PTPRN2: variants seen among roughly 807,000 people sequenced by gnomAD.
PTPRN2 encodes the protein protein tyrosine phosphatase receptor type N2.
In PTPRN2, 74 loss-of-function variants were observed where a neutral mutation model predicts 118.8. The ratio of observed to expected loss-of-function variants is 0.62; its 90% CI spans 0.52 to 0.76. The LOEUF is 0.76. Among genes scored for constraint, PTPRN2 ranks in the 30% least tolerant of loss-of-function variants. The pLI is 0.00. For missense variants in PTPRN2, 1,481 were observed against 1,394.4 expected (o/e 1.06, Z -0.99); for synonymous variants, 641 against 608.0 (o/e 1.05, Z -0.80).
At chr7:158,163,340 T>A (rs1822543267) in intron 6 of PTPRN2, among the ~76,000 whole-genome samples, 2 of 150,738 alleles carry the variant, frequency 1.3e-5, no homozygotes, top group South Asian at 4.2e-4. Flanking sequence ...TCTCTCTATT[T>A]CATAGGTGAC....
chr7:157,645,503 T>G (rs1805006696), intron 14 of PTPRN2, among the ~76,000 whole-genome samples: 1 of 152,232 alleles, frequency 6.6e-6, no homozygotes, highest in Non-Finnish European at 1.5e-5. Context: ...GGATCTGGCT[T>G]CTAAAAACTC....
chr7:157,840,261 CTG>C (rs1808297449), intron 12 of PTPRN2, among the ~76,000 whole-genome samples: 1 of 133,222 alleles, frequency 7.5e-6, no homozygotes, highest in African/African-American at 2.9e-5. Flanking sequence ...CCGCGTGTGA[CTG>C]TGTGGCCGCG....
At chr7:157,643,322 C>T (rs1804818770) in intron 14 of PTPRN2, among the ~76,000 whole-genome samples, 1 of 152,182 alleles carries the variant, frequency 6.6e-6, no homozygotes, top group Admixed American at 6.5e-5. Context: ...AAAGCACTAG[C>T]ATGGCTCTAG....
At chr7:157,662,332 T>G (rs912976809) in intron 13 of PTPRN2, among the ~76,000 whole-genome samples, 5 of 152,212 alleles carry the variant, frequency 3.3e-5, no homozygotes, top group African/African-American at 9.6e-5. Flanking sequence ...TCAGGTTTGC[T>G]ATGGTCCCTT....
intron 11 of PTPRN2, among the ~76,000 whole-genome samples, chr7:158,071,165 G>C (rs1192038148): frequency 1.3e-4 from 4 of 30,766 alleles, no homozygotes; most frequent in Admixed American, 3.7e-4. Flanking sequence ...GCTCGTGGTG[G>C]AGGTGCTCTT....
chr7:158,529,953 CCACA>C lies in PTPRN2; in HGVS notation c.113-40172_113-40169del, dbSNP rs1208174714. On this transcript the variant is annotated intron_variant, in intron 1 of 22. Transcript: ENST00000389418. This position sits in a 1 kb window ranked among gnomAD's most constrained non-coding sequence, Gnocchi z 4.7. Reference sequence around the variant, plus strand: ...CACATGCACACATGTATCTCACATACCACACACAAGCATGCACGCCACACATGCC... The same window carrying C: ...CACATGCACACATGTATCTCACATACCACAAGCATGCACGCCACACATGCC... 6.6e-6 allele frequency among the ~76,000 whole-genome samples: 1 copy of C among 152,228 alleles called. No individual in the cohort carries two copies. The highest frequency in any genetic ancestry group is 2.1e-4 in the South Asian group (1 of 4,818).
At chr7:158,393,030 G>T (rs1168838749) in intron 2 of PTPRN2, among the ~76,000 whole-genome samples, 1 of 152,134 alleles carries the variant, frequency 6.6e-6, no homozygotes, top group Non-Finnish European at 1.5e-5. Flanking sequence ...AGGCCCAGCT[G>T]CCCAGGCCCC....
chr7:158,317,636 C>G (rs1304545154), intron 2 of PTPRN2, among the ~76,000 whole-genome samples: 8 of 152,208 alleles, frequency 5.3e-5, no homozygotes, highest in African/African-American at 7.2e-5. Context: ...TTCAAACATT[C>G]AAATTACCTT....
At position 157,861,413 on chromosome 7, in the gene PTPRN2, C is replaced by T. The variant is rs913743660; in HGVS notation, c.1788+37260G>A. Among the ~76,000 whole-genome samples the T allele has an allele frequency of 3.3e-5, 5 of 152,212 alleles. No individual in the cohort carries two copies. The highest frequency in any genetic ancestry group is 1.9e-4 in the East Asian group (1 of 5,184). ...GGCAGTGGCTTCTGTGTTTTGCCGT[C>T]GAGGTGCAACATGCAGCTGGTGATG... On this transcript the variant is annotated intron_variant, in intron 12 of 22. Coordinates refer to ENST00000389418, the MANE Select transcript of PTPRN2 (RefSeq NM_002847.5). The surrounding 1 kb of genome is among the most constrained non-coding windows in gnomAD (Gnocchi z 5.8).
In PTPRN2 at chr7:157,784,632, G is replaced by A. The variant is rs189476351; in HGVS notation, c.1789-101695C>T. Among the ~76,000 whole-genome samples, 264 of 120,818 alleles carry A rather than the reference G, an allele frequency of 2.2e-3. 1 individual carries two copies. The highest frequency in any genetic ancestry group is 8.1e-3 in the Admixed American group (100 of 12,364). 79.3% of individuals were successfully genotyped at this position (120,818 alleles called of 152,430 possible). ...GGGCTGGGCTGATCCCATATGAAACGGGCAGGGGCTGGGCTGATCCCGTAT... is the reference window on the plus strand; with the variant it reads ...GGGCTGGGCTGATCCCATATGAAACAGGCAGGGGCTGGGCTGATCCCGTAT... On this transcript the variant is annotated intron_variant, in intron 12 of 22. Transcript: ENST00000389418. The surrounding 1 kb of genome is among the most constrained non-coding windows in gnomAD (Gnocchi z 4.6).
chr7:158,143,489 G>T (rs532767653), intron 6 of PTPRN2, among the ~76,000 whole-genome samples: 1 of 152,190 alleles, frequency 6.6e-6, no homozygotes, highest in African/African-American at 2.4e-5. Context: ...TGTCAGAGTC[G>T]GCCCGGCCAT....
chr7:158,300,815 G>A (rs1412309706), intron 3 of PTPRN2, among the ~76,000 whole-genome samples: 1 of 152,176 alleles, frequency 6.6e-6, no homozygotes, highest in Admixed American at 6.5e-5. Flanking sequence ...TCCTTCTCAT[G>A]TGTGAGCAAA....
At chr7:158,212,656 C>T (rs1827688757) in intron 3 of PTPRN2, among the ~76,000 whole-genome samples, 1 of 152,100 alleles carries the variant, frequency 6.6e-6, no homozygotes, top group Non-Finnish European at 1.5e-5. Context: ...CATCTTCCAT[C>T]TACATGGAAA....
rs780621170 is a variant in PTPRN2 at position 158,166,969 on chromosome 7, G to C, written c.872C>G (p.Pro291Arg). The C allele has an allele frequency of 6.9e-7, 1 of 1,454,186 alleles. No individual in the cohort carries two copies. The highest frequency in any genetic ancestry group is 1.4e-5 in the African/African-American group (1 of 69,980). 90.1% of individuals were successfully genotyped at this position (1,454,186 alleles called of 1,614,324 possible). ...APAAPQKWPS[P>R]LGDSEDPSST... Reference sequence around the variant, plus strand: ...GGAGGGGTCTTCGGAATCTCCCAGAGGTGAAGGCCACTTCTGGGGGGCGGC... The same window carrying C: ...GGAGGGGTCTTCGGAATCTCCCAGACGTGAAGGCCACTTCTGGGGGGCGGC... Residue 291 changes from proline (P) to arginine (R), a missense_variant, in exon 6 of 23, where the codon CCT (proline) becomes CGT (arginine). By Grantham distance (103) the Pro-to-Arg change is moderately radical (BLOSUM62 -2). Transcript: ENST00000389418.
rs922849139 is a variant in PTPRN2 at position 157,964,631 on chromosome 7, A to G, written c.1724-65894T>C. Among the ~76,000 whole-genome samples, 2 of 152,128 alleles carry G rather than the reference A, an allele frequency of 1.3e-5. No homozygotes were observed. The highest frequency in any genetic ancestry group is 4.8e-5 in the African/African-American group (2 of 41,428). On this transcript the variant is annotated intron_variant, in intron 11 of 22. Coordinates refer to ENST00000389418, the MANE Select transcript of PTPRN2 (RefSeq NM_002847.5). The surrounding 1 kb of genome is among the most constrained non-coding windows in gnomAD (Gnocchi z 9.0). Reference sequence around the variant, plus strand: ...CTTGAGTCTGTCTCACGCCATTAACACCCTGTGATGGCCTTACTTGGCGTG... The same window carrying G: ...CTTGAGTCTGTCTCACGCCATTAACGCCCTGTGATGGCCTTACTTGGCGTG...
At chr7:157,580,832 G>A (rs1800331327) in intron 17 of PTPRN2, among the ~76,000 whole-genome samples, 1 of 108,170 alleles carries the variant, frequency 9.2e-6, no homozygotes, top group Non-Finnish European at 1.9e-5. Flanking sequence ...GCACACCCCA[G>A]CACCTGCACA....
At chr7:158,173,363 C>T (rs1225463603) in intron 5 of PTPRN2, among the ~76,000 whole-genome samples, 1 of 152,132 alleles carries the variant, frequency 6.6e-6, no homozygotes, top group African/African-American at 2.4e-5. Context: ...TCAGGGGTAA[C>T]ATCACATATT....
chr7:158,388,582 G>A (rs116231618), intron 2 of PTPRN2, among the ~76,000 whole-genome samples: 418 of 152,322 alleles, frequency 2.7e-3, no homozygotes, highest in African/African-American at 9.4e-3. Context: ...GCACCTCCAC[G>A]TGTCTGCCAA....
At position 158,457,105 on chromosome 7, in the gene PTPRN2, C is replaced by T. The variant is rs779968260; in HGVS notation, c.163+32630G>A. Among the ~76,000 whole-genome samples, 28 of 152,248 alleles carry T rather than the reference C, an allele frequency of 1.8e-4. 1 individual carries two copies. Among genetic ancestry groups the T allele is most frequent in the Middle Eastern group, 3.4e-3 (1 of 294 alleles). ...TAATATCCAAGGAGGGTCCATCATA[C>T]GTCTACACAGCAATGGCGCACGCAG... On this transcript the variant is annotated intron_variant, in intron 2 of 22. Transcript: ENST00000389418.
Sources: allele counts gnomAD v4.1 joint callset (sites outside exome capture counted in the v4.1 genomes callset), GRCh38; gene constraint gnomAD v4.1.1; non-coding constraint Gnocchi (gnomAD v3.1); transcripts MANE v1.5; gene names NCBI Gene and HGNC (gene_info 2026-07-23, HGNC 2026-07-21).